The following SP3 variants were observed in gnomAD, a reference collection of about 807,000 sequenced individuals.
The protein encoded by SP3 is Sp3 transcription factor.
Under a neutral mutation model 70.3 loss-of-function variants are expected in SP3, and 10 were observed. The ratio of observed to expected loss-of-function variants is 0.14; its 90% CI spans 0.09 to 0.24. The LOEUF is 0.24. SP3 is among the 10% of genes least tolerant of loss of function. The probability of loss-of-function intolerance (pLI) is 1.00; values close to 1 mark genes in which losing one functional copy is unlikely to be tolerated. For missense variants in SP3, 825 were observed against 914.6 expected, an observed-to-expected ratio of 0.90 and a Z score of 1.26; for synonymous variants, 402 against 333.5, an observed-to-expected ratio of 1.21 and a Z score of -2.24.
At chr2:173,924,104 A>G (rs1316384006) in intron 4 of SP3, among the ~76,000 whole-genome samples, 1 of 152,142 alleles carries the variant, frequency 6.6e-6, no homozygotes, top group Non-Finnish European at 1.5e-5. Flanking sequence ...TTAAAAATAT[A>G]GATGGATGGT....
rs1404309909 is a variant in SP3 at position 173,903,639 on chromosome 2, T to G, written c.*6302A>C. ...ACCTATTCTGAGTCCTAACACACAATGAAAATATACGTGACTTGGTGTGAC... is the reference window on the plus strand; with the variant it reads ...ACCTATTCTGAGTCCTAACACACAAGGAAAATATACGTGACTTGGTGTGAC... On this transcript the variant is annotated 3_prime_UTR_variant, in exon 7 of 7. Coordinates refer to ENST00000310015, the MANE Select transcript of SP3 (RefSeq NM_003111.5). Among the ~76,000 whole-genome samples the G allele has an allele frequency of 6.6e-6, 1 of 152,166 alleles. No homozygotes were observed. Among genetic ancestry groups the G allele is most frequent in the Admixed American group, 6.5e-5 (1 of 15,282 alleles).
At chr2:173,933,348 G>A (rs11898977) in intron 4 of SP3, among the ~76,000 whole-genome samples, 5,614 of 151,992 alleles carry the variant, frequency 0.037, 369 homozygotes, top group African/African-American at 0.13. Context: ...GTGCTTAATA[G>A]CATCACAGGG....
intron 4 of SP3, among the ~76,000 whole-genome samples, chr2:173,939,829 A>C (rs947709325): frequency 3.3e-5 from 5 of 151,454 alleles, no homozygotes; most frequent in African/African-American, 1.2e-4. Flanking sequence ...AAAATGTAAA[A>C]ATTTTTTTTA....
intron 5 of SP3, chr2:173,915,554 A>G (rs903991081): frequency 6.6e-6 from 1 of 152,184 alleles, no homozygotes; most frequent in Admixed American, 6.5e-5. Flanking sequence ...ATGCTAAGAT[A>G]GAGTGGAAGC....
intron 4 of SP3, among the ~76,000 whole-genome samples, chr2:173,934,492 G>A (rs1323707829): frequency 6.6e-6 from 1 of 151,956 alleles, no homozygotes; most frequent in Non-Finnish European, 1.5e-5. Context: ...ATGACATAAT[G>A]TTAATCAAAA....
intron 6 of SP3, among the ~76,000 whole-genome samples, chr2:173,912,741 AATAGG>A (rs944253296): frequency 1.3e-5 from 2 of 152,200 alleles, no homozygotes; most frequent in African/African-American, 2.4e-5. Context: ...AAAGAAAAAA[AATAGG>A]ATAGATCAAG....
intron 6 of SP3, among the ~76,000 whole-genome samples, chr2:173,911,813 C>CTTTTTTTTTTTTTTTTTTTTTTTTTTTT (rs11448837): frequency 1.0e-5 from 1 of 98,042 alleles, no homozygotes; most frequent in Non-Finnish European, 1.9e-5. Flanking sequence ...TTTTATCTAC[C>CTTTTTTTTTTTTTTTTTTTTTTTTTTTT]TTTTTTTTTT....
chr2:173,953,971 T>A (rs1690799689), intron 4 of SP3, among the ~76,000 whole-genome samples: 1 of 152,178 alleles, frequency 6.6e-6, no homozygotes, highest in Non-Finnish European at 1.5e-5. Context: ...AAAAAGGTAA[T>A]CTTTAAATGG....
intron 4 of SP3, among the ~76,000 whole-genome samples, chr2:173,940,260 GA>G (rs972142884): frequency 1.1e-4 from 17 of 152,160 alleles, no homozygotes; most frequent in Admixed American, 3.9e-4. Flanking sequence ...TTTTACTGCT[GA>G]CAAGGGAGAT....
At position 173,956,037 on chromosome 2, in the gene SP3, C is replaced by T; in HGVS notation, c.475G>A (p.Asp159Asn). The T allele has an allele frequency of 3.1e-6, 5 of 1,614,166 alleles. No individual in the cohort carries two copies. The highest frequency in any genetic ancestry group is 4.2e-6 in the Non-Finnish European group (5 of 1,180,014). Residue 159 changes from aspartate (D) to asparagine (N), a missense_variant, in exon 4 of 7, where the codon GAT becomes AAT. Around this residue, in one of 4 missense-constraint regions of SP3, gnomAD observed 678 missense variants for 651.6 expected, o/e 1.04. Coordinates refer to ENST00000310015, the MANE Select transcript of SP3 (RefSeq NM_003111.5). ...CTGGACACTGTACCATTTGATGAAT[C>T]TGATCCTGGTGCAACGGAAAATATT... ...QQIFSVAPGS[D>N]SSNGTVSSVQ... is the part of the protein sequence containing the mutation.
In SP3 at chr2:173,909,775, T is replaced by C. The variant is rs1407283132; in HGVS notation, c.*166A>G. On this transcript the variant is annotated 3_prime_UTR_variant, in exon 7 of 7. Transcript: ENST00000310015. ...TGCAATTTTACCATTTTTAATATACTATGGAATATCATACAAAGTAAGGCA... is the reference window on the plus strand; with the variant it reads ...TGCAATTTTACCATTTTTAATATACCATGGAATATCATACAAAGTAAGGCA... 8 of 556,198 alleles carry C rather than the reference T, an allele frequency of 1.4e-5. No homozygotes were observed. The highest frequency in any genetic ancestry group is 2.5e-5 in the Non-Finnish European group (8 of 317,386). The allele number at this position is 556,198 out of a possible 1,614,324, so 34.5% of individuals were successfully genotyped here. A position where few individuals can be genotyped will look rare whatever the true frequency, so the allele number is the denominator to read the frequency against.
intron 4 of SP3, among the ~76,000 whole-genome samples, chr2:173,949,930 A>C (rs1690664709): frequency 6.6e-6 from 1 of 152,210 alleles, no homozygotes; most frequent in Admixed American, 6.5e-5. Context: ...GACTGAATTA[A>C]GTCTTGGCTT....
At position 173,929,355 on chromosome 2, in the gene SP3, A is replaced by G. The variant is rs146854729; in HGVS notation, c.1640-10570T>C. On this transcript the variant is annotated intron_variant, in intron 4 of 6. Transcript: ENST00000310015. ...CACCTGTCCCTCCATTCAGAAGGTAACCCAAATATCCCATCCAGTCTCAGC... is the reference window on the plus strand; with the variant it reads ...CACCTGTCCCTCCATTCAGAAGGTAGCCCAAATATCCCATCCAGTCTCAGC... 2.5e-3 allele frequency among the ~76,000 whole-genome samples: 383 copies of G among 152,316 alleles called. 1 individual carries two copies. The highest frequency in any genetic ancestry group is 8.9e-3 in the African/African-American group (368 of 41,578).
intron 3 of SP3, among the ~76,000 whole-genome samples, chr2:173,957,565 T>C (rs1345321844): frequency 6.6e-6 from 1 of 152,154 alleles, no homozygotes; most frequent in African/African-American, 2.4e-5. Context: ...AAAAGGCTCA[T>C]ATTCATAGAG....
intron 4 of SP3, among the ~76,000 whole-genome samples, chr2:173,921,318 C>T (rs992335334): frequency 6.6e-6 from 1 of 152,130 alleles, no homozygotes; most frequent in Non-Finnish European, 1.5e-5. Context: ...TGATTTTATT[C>T]ACTCAACAAC....
chr2:173,964,486 G>GTAACCCTCCTCCTCCTCCTCTTTC lies in SP3; in HGVS notation c.74_75insGAAAGAGGAGGAGGAGGAGGGTTA (p.Gly25_Gly26insLysGluGluGluGluGluGlyTyr). The GTAACCCTCCTCCTCCTCCTCTTTC allele has an allele frequency of 3.4e-6, 2 of 580,154 alleles. No homozygotes were observed. The highest frequency in any genetic ancestry group is 6.6e-6 in the Non-Finnish European group (2 of 301,952). 35.9% of individuals were successfully genotyped at this position (580,154 alleles called of 1,614,324 possible). ...GATACTCGCCGTGGCCGCCGCCGCC[G>GTAACCCTCCTCCTCCTCCTCTTTC]CCACCGCCGCCGCCGCTATCCACGT... On this transcript the variant is annotated inframe_insertion, in exon 2 of 7. Transcript: ENST00000310015.
At chr2:173,963,956 C>A in intron 2 of SP3, 73 bp from the exon 3 acceptor site, 1 of 1,107,540 alleles carries the variant, frequency 9.0e-7, no homozygotes, top group Non-Finnish European at 1.2e-6. Flanking sequence ...CCGCCTTTCG[C>A]ACAGGAAGTA....
At chr2:173,958,963 G>A (rs1383004806) in intron 3 of SP3, among the ~76,000 whole-genome samples, 2 of 152,110 alleles carry the variant, frequency 1.3e-5, no homozygotes, top group Non-Finnish European at 2.9e-5. Flanking sequence ...AGATCATTGT[G>A]AGTGCTAAGA....
At chr2:173,949,133 A>G (rs542592649) in intron 4 of SP3, among the ~76,000 whole-genome samples, 6 of 152,186 alleles carry the variant, frequency 3.9e-5, no homozygotes, top group Non-Finnish European at 8.8e-5. Flanking sequence ...GTAACTCTAA[A>G]AAGACCACAT....
Sources: allele counts gnomAD v4.1 joint callset (sites outside exome capture counted in the v4.1 genomes callset), GRCh38; gene constraint gnomAD v4.1.1; regional missense constraint gnomAD v4.1.1; transcripts MANE v1.5; gene names NCBI Gene and HGNC (gene_info 2026-07-23, HGNC 2026-07-21).